Variants in MMD2 observed in about 807,000 individuals in gnomAD.
MMD2 encodes the protein monocyte to macrophage differentiation factor 2.
In MMD2, 30 loss-of-function variants were observed where a neutral mutation model predicts 33.5. The ratio of observed to expected loss-of-function variants is 0.90; its 90% CI spans 0.67 to 1.22. The LOEUF (loss-of-function observed/expected upper bound fraction) is 1.22, where lower values mean the gene tolerates loss of function less well. Among genes scored for constraint, MMD2 ranks in the 50% most tolerant of loss-of-function variants. The pLI is 0.00. For synonymous variants in MMD2, 129 were observed against 123.0 expected (o/e 1.05, Z -0.32); for missense variants, 364 against 325.4 (o/e 1.12, Z -0.91).
At chr7:4,925,233 A>T (rs932044836) in intron 2 of MMD2, among the ~76,000 whole-genome samples, 1 of 152,062 alleles carries the variant, frequency 6.6e-6, no homozygotes, top group African/African-American at 2.4e-5. Flanking sequence ...GCTCGGCCCC[A>T]TCGAAGGTTC....
At position 4,916,051 on chromosome 7, in the gene MMD2, C is replaced by T. The variant is rs201737285; in HGVS notation, c.319G>A (p.Asp107Asn). The T allele has an allele frequency of 2.4e-5, 38 of 1,613,708 alleles. No individual in the cohort carries two copies. Among genetic ancestry groups the T allele is most frequent in the Non-Finnish European group, 3.1e-5 (37 of 1,179,862 alleles). Residue 107 changes from aspartate to asparagine, a missense_variant, in exon 4 of 7, where the codon GAC (aspartate) becomes AAC (asparagine). Asp to Asn is a conservative substitution (Grantham distance 23). Transcript: ENST00000401401. ...RMVEHCLHMFDRMVIYFFIAA... is the reference protein window; with the variant it reads ...RMVEHCLHMFNRMVIYFFIAA... Reference sequence around the variant, plus strand: ...ATGAAGAAATAGATGACCATCCGGTCGAACATGTGTAGACAGTGTTCCACC... The same window carrying T: ...ATGAAGAAATAGATGACCATCCGGTTGAACATGTGTAGACAGTGTTCCACC...
intron 1 of MMD2, among the ~76,000 whole-genome samples, chr7:4,954,200 A>G (rs1786325910): frequency 6.6e-6 from 1 of 152,210 alleles, no homozygotes; most frequent in East Asian, 1.9e-4. Context: ...TACCACTGCG[A>G]GGGAGCAGTT....
rs189496118 is a variant in MMD2, at chr7:4,912,959, C to A, written c.366-1713G>T. The stretch of plus-strand genomic sequence containing the variant: ...CCTCAGGTGATCTGCCCTCCTCGGC[C>A]TGCCAAAGTGCTGGGATTACAGGCG... On this transcript the variant is annotated intron_variant, in intron 4 of 6. Coordinates refer to ENST00000401401, the MANE Select transcript of MMD2 (RefSeq NM_198403.4). 1.6e-3 allele frequency among the ~76,000 whole-genome samples: 237 copies of A among 152,302 alleles called. 2 individuals are homozygous for A. Among genetic ancestry groups the A allele is most frequent in the African/African-American group, 5.5e-3 (228 of 41,572 alleles).
chr7:4,937,770 G>A (rs1406773595), intron 1 of MMD2, among the ~76,000 whole-genome samples: 2 of 151,140 alleles, frequency 1.3e-5, no homozygotes, highest in Admixed American at 6.6e-5. Context: ...TCAGCCTCTC[G>A]AGTAGCTAGG....
intron 3 of MMD2, among the ~76,000 whole-genome samples, chr7:4,918,895 C>G (rs1170546891): frequency 6.6e-6 from 1 of 151,862 alleles, no homozygotes; most frequent in Non-Finnish European, 1.5e-5. Context: ...CCCAGGAATT[C>G]AAGGCCAGCC....
At chr7:4,913,470 A>T (rs1785064277) in intron 4 of MMD2, among the ~76,000 whole-genome samples, 1 of 152,092 alleles carries the variant, frequency 6.6e-6, no homozygotes, top group Non-Finnish European at 1.5e-5. Context: ...TAATCCCAGC[A>T]CTTTGGGAGG....
chr7:4,934,601 G>A (rs1345721526), intron 1 of MMD2, among the ~76,000 whole-genome samples: 1 of 152,166 alleles, frequency 6.6e-6, no homozygotes, highest in Non-Finnish European at 1.5e-5. Flanking sequence ...TCCTCATTTT[G>A]TAGCCAACCC....
downstream of MMD2, among the ~76,000 whole-genome samples, chr7:4,905,060 A>T (rs899184392): frequency 6.6e-6 from 1 of 152,056 alleles, no homozygotes; most frequent in Non-Finnish European, 1.5e-5. This position sits in a 1 kb window ranked among gnomAD's most constrained non-coding sequence, Gnocchi z 5.0. Flanking sequence ...ACCTCCAAAA[A>T]TCCAGGGGCA....
At chr7:4,897,202 A>G in the MMD2 span, among the ~76,000 whole-genome samples, 1 of 151,222 alleles carries the variant, frequency 6.6e-6, no homozygotes, top group East Asian at 1.9e-4. Context: ...TCACTTTTAT[A>G]AAAAGAATTG....
chr7:4,930,187 T>A (rs538606556), intron 1 of MMD2, among the ~76,000 whole-genome samples: 25 of 145,638 alleles, frequency 1.7e-4, no homozygotes, highest in African/African-American at 6.4e-4. Flanking sequence ...GAGAATGGCA[T>A]GAACCCAGGA....
At chr7:4,955,798 A>G (rs1786367250) in intron 1 of MMD2, among the ~76,000 whole-genome samples, 1 of 152,186 alleles carries the variant, frequency 6.6e-6, no homozygotes, top group Non-Finnish European at 1.5e-5. Flanking sequence ...CACTCCTCTA[A>G]TCCCAGCACT....
chr7:4,905,653 C>T (rs1784853512), downstream of MMD2, among the ~76,000 whole-genome samples: 1 of 152,134 alleles, frequency 6.6e-6, no homozygotes, highest in African/African-American at 2.4e-5. The surrounding 1 kb of genome is among the most constrained non-coding windows in gnomAD (Gnocchi z 5.0). Flanking sequence ...CCAGAACCCC[C>T]AGAACCCCCT....
intron 2 of MMD2, among the ~76,000 whole-genome samples, chr7:4,922,340 C>G (rs1019901738): frequency 6.6e-6 from 1 of 152,044 alleles, no homozygotes; most frequent in Non-Finnish European, 1.5e-5. Context: ...GAGGCTGAAG[C>G]AGGTAGATCC....
intron 1 of MMD2, among the ~76,000 whole-genome samples, chr7:4,958,626 C>T (rs548408413): frequency 1.3e-5 from 2 of 152,318 alleles, no homozygotes; most frequent in African/African-American, 4.8e-5. Context: ...GGGCTCCAGG[C>T]GCTGCGCAAA....
chr7:4,893,455 A>G, the MMD2 span, among the ~76,000 whole-genome samples: 1 of 151,544 alleles, frequency 6.6e-6, no homozygotes. Flanking sequence ...GCAGTGGCGC[A>G]ATCTTGTCTC....
At chr7:4,909,756 A>T in intron 6 of MMD2, 125 bp downstream of exon 6, 1 of 1,312,706 alleles carries the variant, frequency 7.6e-7, no homozygotes, top group South Asian at 1.3e-5. Context: ...TAGACAAGTC[A>T]TGCCAGGCCT....
chr7:4,906,252 G>T lies in MMD2; in HGVS notation c.*1144C>A, dbSNP rs1354235402. On this transcript the variant is annotated 3_prime_UTR_variant, in exon 7 of 7. Coordinates refer to ENST00000401401, the MANE Select transcript of MMD2 (RefSeq NM_198403.4). The stretch of plus-strand genomic sequence containing the variant: ...GTAAATGTCCAGGCAGCATTGGACA[G>T]AGAGGCTGGCCCCGCCCTGACGGGG... 3 of 375,898 alleles carry T rather than the reference G, an allele frequency of 8.0e-6. No individual in the cohort carries two copies. The highest frequency in any genetic ancestry group is 1.4e-5 in the Non-Finnish European group (3 of 211,942). 23.3% of individuals were successfully genotyped at this position (375,898 alleles called of 1,614,324 possible). A position where few individuals can be genotyped will look rare whatever the true frequency, so the allele number is the denominator to read the frequency against.
the MMD2 span, among the ~76,000 whole-genome samples, chr7:4,896,306 T>C: frequency 6.6e-6 from 1 of 151,382 alleles, no homozygotes; most frequent in Non-Finnish European, 1.5e-5. Context: ...ATGGTGAAAC[T>C]CTGTCTCTAC....
At chr7:4,893,644 G>A in the MMD2 span, among the ~76,000 whole-genome samples, 4 of 151,400 alleles carry the variant, frequency 2.6e-5, no homozygotes, top group African/African-American at 7.3e-5. Flanking sequence ...TGCCTGCCTC[G>A]GCCTCCCAAA....
Sources: gnomAD v4.1 joint callset for allele counts (sites outside exome capture counted in the v4.1 genomes callset) on GRCh38, gnomAD v4.1.1 for gene constraint, Gnocchi (gnomAD v3.1) non-coding constraint, MANE v1.5 for transcripts, NCBI Gene and HGNC (gene_info 2026-07-23, HGNC 2026-07-21) for gene names.